The following CADM1 variants were observed in gnomAD, a reference collection of about 807,000 sequenced individuals.
CADM1 encodes cell adhesion molecule 1.
In CADM1, 15 loss-of-function variants were observed where a neutral mutation model predicts 53.1. That is an observed-to-expected ratio of 0.28 (90% CI 0.19 to 0.44). The LOEUF (loss-of-function observed/expected upper bound fraction) is 0.44, where lower values mean the gene tolerates loss of function less well. Ranked by LOEUF, CADM1 falls within the 20% of genes least tolerant of loss-of-function variation. The pLI is 1.00. For missense variants in CADM1, 434 were observed against 611.3 expected, an observed-to-expected ratio of 0.71 and a Z score of 3.06; for synonymous variants, 281 against 243.0, an observed-to-expected ratio of 1.16 and a Z score of -1.45.
chr11:115,240,073 G>A (rs1942169331), intron 2 of CADM1, among the ~76,000 whole-genome samples: 1 of 152,122 alleles, frequency 6.6e-6, no homozygotes, highest in African/African-American at 2.4e-5. Context: ...AAGTAAGACT[G>A]CCTTACTTTT....
intron 1 of CADM1, among the ~76,000 whole-genome samples, chr11:115,358,781 C>T (rs1945947717): frequency 6.6e-6 from 1 of 152,192 alleles, no homozygotes; most frequent in Non-Finnish European, 1.5e-5. Context: ...AATATCATCT[C>T]TCCACCTAAA....
intron 10 of CADM1, among the ~76,000 whole-genome samples, chr11:115,186,813 G>A (rs924337610): frequency 1.3e-5 from 2 of 152,150 alleles, no homozygotes; most frequent in Non-Finnish European, 1.5e-5. Context: ...CACTTTATCC[G>A]GTTTTATTGT....
chr11:115,322,218 G>A (rs1944841597), intron 1 of CADM1, among the ~76,000 whole-genome samples: 1 of 152,106 alleles, frequency 6.6e-6, no homozygotes, highest in Non-Finnish European at 1.5e-5. Context: ...AAGACCACTC[G>A]TGAATTTGTT....
chr11:115,271,484 G>A (rs371619149), intron 1 of CADM1, among the ~76,000 whole-genome samples: 13 of 152,102 alleles, frequency 8.5e-5, no homozygotes, highest in Admixed American at 7.9e-4. Flanking sequence ...CGGTTTCACC[G>A]TGTTAGCCAG....
At chr11:115,286,313 C>T (rs1245647409) in intron 1 of CADM1, among the ~76,000 whole-genome samples, 1 of 152,124 alleles carries the variant, frequency 6.6e-6, no homozygotes, top group African/African-American at 2.4e-5. Flanking sequence ...CCCACATCAA[C>T]ACTCACACAC....
intron 1 of CADM1, among the ~76,000 whole-genome samples, chr11:115,292,315 C>T (rs1943927276): frequency 1.3e-5 from 2 of 152,136 alleles, no homozygotes; most frequent in African/African-American, 2.4e-5. Flanking sequence ...TTTTTTGTAG[C>T]TTCATGCAGT....
rs1159512490 is a variant in CADM1 at position 115,504,245 on chromosome 11, G to A, written c.124+26C>T. 3 of 1,566,628 alleles carry A rather than the reference G, an allele frequency of 1.9e-6. No individual in the cohort carries two copies. The East Asian group carries it at 7.1e-5, about 37-fold the overall frequency. ...CTGGGGTGCCTTCGGAGATTTAGGG[G>A]CCAACCGGTCGGTGCCCACACCTAC... On this transcript the variant is annotated intron_variant, in intron 1 of 11. Coordinates refer to ENST00000331581, the MANE Select transcript of CADM1 (RefSeq NM_001301043.2).
At chr11:115,296,530 T>C (rs1402023137) in intron 1 of CADM1, among the ~76,000 whole-genome samples, 2 of 152,070 alleles carry the variant, frequency 1.3e-5, no homozygotes, top group East Asian at 3.9e-4. Flanking sequence ...AGAGAGTGGG[T>C]TGTTATAAAG....
Position 115,328,721 on chromosome 11 carries a change from T to C in CADM1, c.125-88301A>G, listed in dbSNP as rs1380799068. On this transcript the variant is annotated intron_variant, in intron 1 of 11. Coordinates refer to ENST00000331581, the MANE Select transcript of CADM1 (RefSeq NM_001301043.2). ...ATATATGTATATATATATGTGTATA[T>C]ATATGTATATACATATATATATATA... 4.1e-3 allele frequency among the ~76,000 whole-genome samples: 500 copies of C among 122,248 alleles called. 32 individuals are homozygous for C. The highest frequency in any genetic ancestry group is 0.014 in the African/African-American group (467 of 33,644). 80.2% of individuals were successfully genotyped at this position (122,248 alleles called of 152,430 possible). A position where few individuals can be genotyped will look rare whatever the true frequency, so the allele number is the denominator to read the frequency against.
intron 5 of CADM1, among the ~76,000 whole-genome samples, chr11:115,220,667 C>T (rs1344711354): frequency 6.6e-6 from 1 of 152,170 alleles, no homozygotes; most frequent in Non-Finnish European, 1.5e-5. Context: ...ATGAGCTATC[C>T]TCTCGCCCAG....
At chr11:115,451,982 T>A (rs1948581645) in intron 1 of CADM1, among the ~76,000 whole-genome samples, 2 of 152,136 alleles carry the variant, frequency 1.3e-5, no homozygotes, top group Non-Finnish European at 2.9e-5. Context: ...AAGCTGGCTG[T>A]AACTTCTGGA....
intron 1 of CADM1, among the ~76,000 whole-genome samples, chr11:115,314,118 G>A (rs1944597492): frequency 1.7e-5 from 1 of 60,038 alleles, no homozygotes; most frequent in Admixed American, 2.1e-4. Flanking sequence ...TGAGTCCACT[G>A]GGGAACTAGT....
At chr11:115,211,397 G>T (rs961154125) in intron 7 of CADM1, among the ~76,000 whole-genome samples, 1 of 150,692 alleles carries the variant, frequency 6.6e-6, no homozygotes, top group Non-Finnish European at 1.5e-5. Flanking sequence ...TTTCTGTTTT[G>T]CTTCAATTAC....
intron 3 of CADM1, among the ~76,000 whole-genome samples, chr11:115,233,657 AAAC>A (rs1486264605): frequency 6.6e-6 from 1 of 152,246 alleles, no homozygotes; most frequent in Non-Finnish European, 1.5e-5. Context: ...GAAAAAATGA[AAAC>A]AACTAAGGTG....
At chr11:115,438,680 T>G (rs942625463) in intron 1 of CADM1, among the ~76,000 whole-genome samples, 1 of 152,208 alleles carries the variant, frequency 6.6e-6, no homozygotes, top group African/African-American at 2.4e-5. Context: ...CTAATGATAC[T>G]AATAAACTGT....
intron 10 of CADM1, among the ~76,000 whole-genome samples, chr11:115,183,696 C>T (rs1364018591): frequency 6.6e-6 from 1 of 152,210 alleles, no homozygotes; most frequent in Non-Finnish European, 1.5e-5. Flanking sequence ...CACTGGGTCA[C>T]CCTCACATCT....
rs1299357018 is a variant in CADM1 at position 115,306,028 on chromosome 11, A to G, written c.125-65608T>C. Among the ~76,000 whole-genome samples, 4 of 149,990 alleles carry G rather than the reference A, an allele frequency of 2.7e-5. No homozygotes were observed. In the South Asian group the frequency reaches 6.4e-4, roughly 24 times the overall value. ...ACCACTTTCAGCAATAAGCATTACT[A>G]AACTTCAAAATTTTAATTAAGGGAT... is the stretch of plus-strand genomic sequence containing the variant. On this transcript the variant is annotated intron_variant, in intron 1 of 11. Coordinates refer to ENST00000331581, the MANE Select transcript of CADM1 (RefSeq NM_001301043.2).
intron 1 of CADM1, among the ~76,000 whole-genome samples, chr11:115,491,457 C>G (rs1011430303): frequency 6.6e-6 from 1 of 151,878 alleles, no homozygotes; most frequent in South Asian, 2.1e-4. Flanking sequence ...CCCACCTACT[C>G]GGGAGGCTGA....
At chr11:115,238,959 C>T (rs1013879174) in intron 2 of CADM1, among the ~76,000 whole-genome samples, 1 of 152,006 alleles carries the variant, frequency 6.6e-6, no homozygotes, top group African/African-American at 2.4e-5. Context: ...GTTTTCAGCA[C>T]TTACTCATAC....
Sources: allele counts gnomAD v4.1 joint callset (sites outside exome capture counted in the v4.1 genomes callset), GRCh38; gene constraint gnomAD v4.1.1; transcripts MANE v1.5; gene names NCBI Gene and HGNC (gene_info 2026-07-23, HGNC 2026-07-21).